SNTG1: variants seen among roughly 807,000 people sequenced by gnomAD.
The protein encoded by SNTG1 is gamma-1-syntrophin.
A neutral mutation model predicts 74.7 loss-of-function variants in SNTG1; 39 were observed. That is an observed-to-expected ratio of 0.52 (90% confidence interval 0.40 to 0.68). The LOEUF (loss-of-function observed/expected upper bound fraction) is 0.68. Among genes scored for constraint, SNTG1 ranks in the 30% least tolerant of loss-of-function variants. SNTG1 has a pLI of 0.00. For synonymous variants in SNTG1, 254 were observed against 217.1 expected (o/e 1.17, Z -1.49); for missense variants, 685 against 609.5 (o/e 1.12, Z -1.30).
At chr8:50,561,861 T>C (rs1387622493) in intron 12 of SNTG1, among the ~76,000 whole-genome samples, 2 of 152,182 alleles carry the variant, frequency 1.3e-5, no homozygotes, top group African/African-American at 4.8e-5. Context: ...GTGTCTAGAA[T>C]GTCTCCCCAG....
chr8:50,597,538 A>G (rs2130911156), intron 13 of SNTG1, among the ~76,000 whole-genome samples: 1 of 151,774 alleles, frequency 6.6e-6, no homozygotes, highest in Admixed American at 6.6e-5. Context: ...TATCTCTTTG[A>G]CATACTGATT....
At chr8:50,275,525 A>G (rs1209314721) in intron 2 of SNTG1, among the ~76,000 whole-genome samples, 1 of 152,218 alleles carries the variant, frequency 6.6e-6, no homozygotes, top group Non-Finnish European at 1.5e-5. Context: ...CCGGCTTCAA[A>G]TAACATTATA....
At chr8:50,394,110 G>A (rs1377944718) in intron 2 of SNTG1, 102 bp from the exon 3 acceptor site, 12 of 834,524 alleles carry the variant, frequency 1.4e-5, no homozygotes, top group Non-Finnish European at 2.0e-5. Context: ...TGTAAACACA[G>A]TTTTCCCACA....
chr8:50,257,345 C>T (rs537878640), intron 2 of SNTG1, among the ~76,000 whole-genome samples: 1 of 152,298 alleles, frequency 6.6e-6, no homozygotes, highest in East Asian at 1.9e-4. Context: ...TTACATCTAG[C>T]ACCCTCCTCG....
At position 50,604,799 on chromosome 8, in the gene SNTG1, T is replaced by G. The variant is rs74998739; in HGVS notation, c.849+13882T>G. Among the ~76,000 whole-genome samples, 212 of 152,270 alleles carry G rather than the reference T, an allele frequency of 1.4e-3. 1 individual carries two copies. The highest frequency in any genetic ancestry group is 4.7e-3 in the African/African-American group (197 of 41,560). Reference sequence around the variant, plus strand: ...AGTCCCCTTCATTTTTTCCTCGCTTTTCTCAAGCAAAAGGATTCTTTCACC... The same window carrying G: ...AGTCCCCTTCATTTTTTCCTCGCTTGTCTCAAGCAAAAGGATTCTTTCACC... On this transcript the variant is annotated intron_variant, in intron 13 of 18. Coordinates refer to ENST00000642720, the MANE Select transcript of SNTG1 (RefSeq NM_018967.5).
At chr8:50,685,553 C>A (rs1323195367) in intron 15 of SNTG1, among the ~76,000 whole-genome samples, 1 of 152,198 alleles carries the variant, frequency 6.6e-6, no homozygotes, top group South Asian at 2.1e-4. Context: ...GTCATTTGGT[C>A]TTTTCAAACC....
intron 1 of SNTG1, among the ~76,000 whole-genome samples, chr8:49,997,734 C>CT (rs1473021973): frequency 1.1e-4 from 16 of 152,196 alleles, no homozygotes; most frequent in Admixed American, 4.6e-4. Flanking sequence ...CCTTCTTAGA[C>CT]TTTTTTTCTG....
At chr8:50,606,914 C>T (rs556403671) in intron 13 of SNTG1, among the ~76,000 whole-genome samples, 7 of 151,564 alleles carry the variant, frequency 4.6e-5, no homozygotes, top group East Asian at 3.9e-4. Context: ...TTGAATTTTG[C>T]GAATATATCC....
At chr8:50,109,706 T>G (rs375486460) in intron 1 of SNTG1, among the ~76,000 whole-genome samples, 111 of 152,240 alleles carry the variant, frequency 7.3e-4, no homozygotes, top group African/African-American at 2.5e-3. Flanking sequence ...GGGAGACAGA[T>G]TTCTACTAAG....
intron 17 of SNTG1, among the ~76,000 whole-genome samples, chr8:50,737,600 CA>C (rs1237490607): frequency 1.3e-5 from 2 of 151,886 alleles, no homozygotes; most frequent in Non-Finnish European, 2.9e-5. Context: ...AGTAGAGACA[CA>C]ACAAAAAAAG....
chr8:49,958,117 G>A (rs760668800), intron 1 of SNTG1, among the ~76,000 whole-genome samples: 5 of 152,102 alleles, frequency 3.3e-5, no homozygotes, highest in Non-Finnish European at 4.4e-5. Context: ...TGGAGACCAC[G>A]AAATGAAGGT....
intron 12 of SNTG1, among the ~76,000 whole-genome samples, chr8:50,590,432 G>GT (rs1317584735): frequency 3.9e-5 from 6 of 152,158 alleles, no homozygotes; most frequent in Admixed American, 3.3e-4. Context: ...TCTATCTGGA[G>GT]TCTTGACTGA....
At chr8:50,496,506 A>G (rs897808311) in intron 8 of SNTG1, among the ~76,000 whole-genome samples, 7 of 152,130 alleles carry the variant, frequency 4.6e-5, no homozygotes, top group African/African-American at 1.4e-4. Context: ...TCCTCCTTAG[A>G]ATCTCATAGA....
intron 15 of SNTG1, among the ~76,000 whole-genome samples, chr8:50,664,624 T>C (rs2095241721): frequency 6.6e-6 from 1 of 152,126 alleles, no homozygotes; most frequent in South Asian, 2.1e-4. Flanking sequence ...GGCACCATGA[T>C]CACCTGCCTC....
intron 4 of SNTG1, among the ~76,000 whole-genome samples, chr8:50,436,766 T>A (rs1267793665): frequency 6.6e-6 from 1 of 152,178 alleles, no homozygotes; most frequent in Non-Finnish European, 1.5e-5. Flanking sequence ...TTTCTCCTTT[T>A]CAATAAAAAG....
At chr8:50,699,930 A>T (rs2095417866) in intron 15 of SNTG1, among the ~76,000 whole-genome samples, 1 of 152,198 alleles carries the variant, frequency 6.6e-6, no homozygotes, top group South Asian at 2.1e-4. Flanking sequence ...TAATCATCAG[A>T]TCAATTAATT....
At chr8:50,054,504 C>A (rs560711252) in intron 1 of SNTG1, among the ~76,000 whole-genome samples, 2 of 152,126 alleles carry the variant, frequency 1.3e-5, no homozygotes, top group South Asian at 4.2e-4. Flanking sequence ...CTGAACAAAC[C>A]ATAAACTCTT....
chr8:50,102,358 T>G (rs2080169723), intron 1 of SNTG1, among the ~76,000 whole-genome samples: 1 of 151,998 alleles, frequency 6.6e-6, no homozygotes, highest in African/African-American at 2.4e-5. Context: ...AAATGTCTTC[T>G]TTTGAGAAGT....
chr8:50,170,242 A>AT (rs975524868), intron 1 of SNTG1, among the ~76,000 whole-genome samples: 36 of 152,026 alleles, frequency 2.4e-4, no homozygotes, highest in South Asian at 8.3e-4. Context: ...ACAAGGTTAC[A>AT]TTTTTTTTAA....
Sources: gnomAD v4.1 joint callset for allele counts (sites outside exome capture counted in the v4.1 genomes callset) on GRCh38, gnomAD v4.1.1 for gene constraint, MANE v1.5 for transcripts, NCBI Gene and HGNC (gene_info 2026-07-23, HGNC 2026-07-21) for gene names.